The following RAB2B variants were observed in gnomAD, a reference collection of about 807,000 sequenced individuals.
RAB2B encodes RAB2B, member RAS oncogene family, also known as ras-related protein Rab-2B.
In RAB2B, 20 loss-of-function variants were observed where a neutral mutation model predicts 29.8. The ratio of observed to expected loss-of-function variants is 0.67; its 90% confidence interval spans 0.47 to 0.97. RAB2B has a LOEUF of 0.97. RAB2B is among the 50% of genes least tolerant of loss of function. The probability of loss-of-function intolerance (pLI) is 0.00; values close to 1 mark genes in which losing one functional copy is unlikely to be tolerated. For synonymous variants in RAB2B, 93 were observed against 91.7 expected (o/e 1.01, Z -0.08); for missense variants, 218 against 272.0 (o/e 0.80, Z 1.40).
At chr14:21,476,028 T>C (rs1339167224) in intron 2 of RAB2B, among the ~76,000 whole-genome samples, 1 of 152,156 alleles carries the variant, frequency 6.6e-6, no homozygotes, top group African/African-American at 2.4e-5. Context: ...TTTTCCAGGA[T>C]CGCCAGTGCG....
In RAB2B at chr14:21,461,041, A is replaced by G; in HGVS notation, c.*155T>C. ...TGTCCCTGAAGGAGGACAGGTCAGT[A>G]AGGGCCCAAATTCTCTCCTGGTCTT... On this transcript the variant is annotated 3_prime_UTR_variant, in exon 8 of 8. Transcript: ENST00000397762. The G allele has an allele frequency of 1.7e-6, 1 of 573,460 alleles. No homozygotes were observed. Among genetic ancestry groups the G allele is most frequent in the Non-Finnish European group, 3.1e-6 (1 of 318,584 alleles). 35.5% of individuals were successfully genotyped at this position (573,460 alleles called of 1,614,324 possible).
chr14:21,472,215 C>G (rs1228060963), intron 3 of RAB2B, among the ~76,000 whole-genome samples: 2 of 152,114 alleles, frequency 1.3e-5, no homozygotes, highest in Non-Finnish European at 2.9e-5. Context: ...TTTTATATTA[C>G]AGTAAAATAC....
At chr14:21,467,232 TCTCA>T (rs1890707524) in intron 5 of RAB2B, among the ~76,000 whole-genome samples, 1 of 151,884 alleles carries the variant, frequency 6.6e-6, no homozygotes. Flanking sequence ...TTATATAGGG[TCTCA>T]CTCCTGTTGC....
intron 6 of RAB2B, among the ~76,000 whole-genome samples, chr14:21,462,793 G>A (rs111292109): frequency 0.035 from 5,029 of 141,730 alleles, 304 homozygotes; most frequent in African/African-American, 0.13. Flanking sequence ...AGCTGAGATC[G>A]CACCACTGCA....
intron 6 of RAB2B, among the ~76,000 whole-genome samples, chr14:21,463,398 C>A (rs577609833): frequency 6.6e-6 from 1 of 152,086 alleles, no homozygotes; most frequent in East Asian, 1.9e-4. Context: ...AGACACACGC[C>A]GCCATGACCA....
chr14:21,468,460 AAAATTTAG>A lies in RAB2B; in HGVS notation c.270-19_270-12del. The A allele has an allele frequency of 6.2e-7, 1 of 1,612,654 alleles. No individual in the cohort carries two copies. The highest frequency in any genetic ancestry group is 8.5e-7 in the Non-Finnish European group (1 of 1,178,766). ...TTGAAGGTTTCACGCCTACAGCAGA[AAAATTTAG>A]AATGTGGGTCAGAGACACATTTCAA... On this transcript the variant is annotated splice_polypyrimidine_tract_variant and intron_variant, in intron 4 of 7. Transcript: ENST00000397762.
chr14:21,472,340 GGACAACC>G, intron 3 of RAB2B, among the ~76,000 whole-genome samples: 1 of 152,116 alleles, frequency 6.6e-6, no homozygotes, highest in East Asian at 1.9e-4. Context: ...AAAAACCTTT[GGACAACC>G]TGATCTCTTT....
intron 6 of RAB2B, among the ~76,000 whole-genome samples, chr14:21,462,858 CA>C (rs1363734616): frequency 2.2e-5 from 3 of 138,624 alleles, no homozygotes; most frequent in African/African-American, 8.3e-5. Context: ...AAAAAAAAAT[CA>C]AAAAAGAAAA....
Position 21,466,468 on chromosome 14 carries a change from CAA to C in RAB2B, c.362+1887_362+1888del, listed in dbSNP as rs200216689. On this transcript the variant is annotated intron_variant, in intron 5 of 7. Coordinates refer to ENST00000397762, the MANE Select transcript of RAB2B (RefSeq NM_032846.4). ...TGCCATTGTGCTCTAGCCTGGGTGA[CAA>C]GAGTGAAACTCCATCTCATAACAAA... 8.8e-3 allele frequency among the ~76,000 whole-genome samples: 1,344 copies of C among 152,254 alleles called. 19 individuals are homozygous for C. The highest frequency in any genetic ancestry group is 0.031 in the African/African-American group (1,292 of 41,530).
chr14:21,463,398 C>T (rs577609833), intron 6 of RAB2B, among the ~76,000 whole-genome samples: 5 of 151,968 alleles, frequency 3.3e-5, no homozygotes, highest in African/African-American at 7.3e-5. Context: ...AGACACACGC[C>T]GCCATGACCA....
intron 3 of RAB2B, 43 bp downstream of exon 3, chr14:21,474,824 T>C (rs1890908395): frequency 1.3e-6 from 2 of 1,511,876 alleles, no homozygotes; most frequent in South Asian, 1.1e-5. Context: ...TTTCTTGTTA[T>C]ACTTGGATAT....
chr14:21,469,674 C>G (rs969983210), intron 3 of RAB2B, among the ~76,000 whole-genome samples: 1 of 152,004 alleles, frequency 6.6e-6, no homozygotes, highest in Non-Finnish European at 1.5e-5. Flanking sequence ...TTTTCACATT[C>G]TTGAAATAAT....
chr14:21,467,540 A>G (rs777554379), intron 5 of RAB2B, among the ~76,000 whole-genome samples: 21 of 152,220 alleles, frequency 1.4e-4, no homozygotes, highest in Non-Finnish European at 2.2e-4. Context: ...CTTTTGGCCT[A>G]TGGGTGTCAA....
At position 21,459,889 on chromosome 14, in the gene RAB2B, G is replaced by A. The variant is rs1458805032; in HGVS notation, c.*1307C>T. On this transcript the variant is annotated 3_prime_UTR_variant, in exon 8 of 8. Coordinates refer to ENST00000397762, the MANE Select transcript of RAB2B (RefSeq NM_032846.4). ...GTTAAGAAGGGAGTTTGATGAAACAGTAGAAGTCTATCTGGTGAAAGACAC... is the reference window on the plus strand; with the variant it reads ...GTTAAGAAGGGAGTTTGATGAAACAATAGAAGTCTATCTGGTGAAAGACAC... The A allele has an allele frequency of 3.5e-6, 1 of 286,424 alleles. No homozygotes were observed. Among genetic ancestry groups the A allele is most frequent in the Non-Finnish European group, 7.0e-6 (1 of 142,470 alleles). The allele number at this position is 286,424 out of a possible 1,614,324, so 17.7% of individuals were successfully genotyped here.
chr14:21,464,426 C>G (rs2139595254), intron 5 of RAB2B, among the ~76,000 whole-genome samples: 1 of 152,052 alleles, frequency 6.6e-6, no homozygotes, highest in South Asian at 2.1e-4. Context: ...AAGGAAAACT[C>G]TAGTTACTAG....
intron 5 of RAB2B, among the ~76,000 whole-genome samples, chr14:21,467,443 C>T (rs1322962271): frequency 6.6e-6 from 1 of 152,140 alleles, no homozygotes; most frequent in Non-Finnish European, 1.5e-5. Context: ...TGCGCCTGGC[C>T]TTTTTATTTT....
chr14:21,462,313 G>A (rs761587744), intron 7 of RAB2B, 37 bp downstream of exon 7: 34 of 1,590,476 alleles, frequency 2.1e-5, no homozygotes, highest in Non-Finnish European at 2.9e-5. Flanking sequence ...TTCAGAACAA[G>A]CCAAAGTTAA....
At chr14:21,462,802 C>T (rs375399119) in intron 6 of RAB2B, among the ~76,000 whole-genome samples, 1 of 141,884 alleles carries the variant, frequency 7.0e-6, no homozygotes, top group East Asian at 2.0e-4. Context: ...CGCACCACTG[C>T]ACTCCAGCCT....
intron 5 of RAB2B, among the ~76,000 whole-genome samples, chr14:21,464,685 C>T (rs1367154835): frequency 2.6e-5 from 4 of 151,940 alleles, no homozygotes; most frequent in Non-Finnish European, 4.4e-5. Flanking sequence ...AAAATGGCAA[C>T]AAAAGACCTT....
Sources: gnomAD v4.1 joint callset for allele counts (sites outside exome capture counted in the v4.1 genomes callset) on GRCh38, gnomAD v4.1.1 for gene constraint, MANE v1.5 for transcripts, NCBI Gene and HGNC (gene_info 2026-07-23, HGNC 2026-07-21) for gene names.